The following XCR1 variants were observed in gnomAD, a reference collection of about 807,000 sequenced individuals.
XCR1 encodes the protein chemokine XC receptor 1.
For missense variants in XCR1, 356 were observed against 424.2 expected, an observed-to-expected ratio of 0.84 and a Z score of 1.41; for synonymous variants, 187 against 188.5, an observed-to-expected ratio of 0.99 and a Z score of 0.06.
chr3:46,026,577 C>T lies in XCR1; in HGVS notation c.-32+840G>A, dbSNP rs1423416141. 2.0e-5 allele frequency among the ~76,000 whole-genome samples: 3 copies of T among 150,834 alleles called. No homozygotes were observed. The South Asian group carries it at 6.3e-4, about 32-fold the overall frequency. ...AAGTATGGTTCCCAGATCCATTTTT[C>T]TTCTTCTTCTTTTTTTTTTTTTTGA... On this transcript the variant is annotated intron_variant, in intron 1 of 1. Coordinates refer to ENST00000309285, the MANE Select transcript of XCR1 (RefSeq NM_001024644.2).
intron 1 of XCR1, among the ~76,000 whole-genome samples, chr3:46,079,290 T>C (rs1698316122): frequency 6.6e-6 from 1 of 152,150 alleles, no homozygotes; most frequent in South Asian, 2.1e-4. Flanking sequence ...GGCCAAAATG[T>C]GGGTCTTTTG....
intron 1 of XCR1, among the ~76,000 whole-genome samples, chr3:46,025,348 G>A (rs2125894169): frequency 6.6e-6 from 1 of 152,226 alleles, no homozygotes; most frequent in African/African-American, 2.4e-5. Context: ...AGGCTGCAGT[G>A]AGCTATAATG....
At chr3:46,045,098 A>G (rs915220377) in intron 5 of XCR1, among the ~76,000 whole-genome samples, 1 of 152,206 alleles carries the variant, frequency 6.6e-6, no homozygotes, top group Non-Finnish European at 1.5e-5. Context: ...AAGCCTCAAA[A>G]ATATTGTCAA....
intron 1 of XCR1, chr3:46,024,098 C>G (rs1708236736): frequency 2.5e-6 from 2 of 793,002 alleles, no homozygotes; most frequent in African/African-American, 3.5e-5. Context: ...TTTACATCTC[C>G]AGAACTTCCC....
intron 5 of XCR1, among the ~76,000 whole-genome samples, chr3:46,043,690 C>G (rs567832698): frequency 1.2e-4 from 18 of 147,446 alleles, no homozygotes; most frequent in African/African-American, 4.0e-4. Flanking sequence ...TGAGACCAGC[C>G]TGGGCAACAT....
chr3:46,043,991 TG>T (rs1697581980), intron 5 of XCR1, among the ~76,000 whole-genome samples: 2 of 152,040 alleles, frequency 1.3e-5, no homozygotes, highest in East Asian at 3.9e-4. Flanking sequence ...TGGTTTTTTT[TG>T]TTTGTTTTGT....
intron 4 of XCR1, among the ~76,000 whole-genome samples, chr3:46,065,617 G>A (rs888629762): frequency 6.6e-6 from 1 of 152,144 alleles, no homozygotes; most frequent in South Asian, 2.1e-4. Flanking sequence ...CACTTACACG[G>A]CATCACCAAT....
At chr3:46,043,763 A>AC (rs1697577777) in intron 5 of XCR1, among the ~76,000 whole-genome samples, 2 of 126,632 alleles carry the variant, frequency 1.6e-5, no homozygotes, top group Admixed American at 8.0e-5. Flanking sequence ...CACACACACA[A>AC]GAATGCCTAC....
At chr3:46,023,296 A>G (rs974028220) in intron 1 of XCR1, 9 of 815,728 alleles carry the variant, frequency 1.1e-5, no homozygotes, top group South Asian at 3.2e-5. Flanking sequence ...GCTGCTGTCT[A>G]TGGAAGTAAT....
intron 5 of XCR1, among the ~76,000 whole-genome samples, chr3:46,040,760 C>T (rs1318546217): frequency 6.6e-6 from 1 of 152,066 alleles, no homozygotes; most frequent in Non-Finnish European, 1.5e-5. Context: ...CAGCTTCAGT[C>T]TAGGGCTTGA....
At chr3:46,023,853 G>A in intron 1 of XCR1, 1 of 1,525,936 alleles carries the variant, frequency 6.6e-7, no homozygotes, top group Non-Finnish European at 9.1e-7. Context: ...AATTCCTTGT[G>A]GCTGAGAATG....
intron 5 of XCR1, among the ~76,000 whole-genome samples, chr3:46,036,118 A>T (rs945723784): frequency 2.6e-5 from 4 of 152,160 alleles, no homozygotes; most frequent in Non-Finnish European, 4.4e-5. Flanking sequence ...CTTGTCCCCA[A>T]TATTGTTTGG....
chr3:46,078,537 G>T (rs1242627063), intron 1 of XCR1, among the ~76,000 whole-genome samples: 1 of 152,186 alleles, frequency 6.6e-6, no homozygotes, highest in Non-Finnish European at 1.5e-5. Flanking sequence ...AAAGAAAAAG[G>T]GTAGGGGGAA....
chr3:46,056,294 C>T (rs1300057971), intron 4 of XCR1, among the ~76,000 whole-genome samples: 4 of 152,072 alleles, frequency 2.6e-5, no homozygotes, highest in Non-Finnish European at 2.9e-5. Context: ...CCACCTGCCT[C>T]AGCCTCCCTA....
At position 46,066,433 on chromosome 3, in the gene XCR1, C is replaced by T. The variant is rs568699436; in HGVS notation, c.-183+466G>A. Among the ~76,000 whole-genome samples, 17 of 152,188 alleles carry T rather than the reference C, an allele frequency of 1.1e-4. No individual in the cohort carries two copies. In the South Asian group the frequency reaches 2.7e-3, roughly 24 times the overall value. ...CTAATTTTTATATTTTTAGTAGAGA[C>T]GGGGTTTCACCATGTTGGCCAGGAT... On this transcript the variant is annotated intron_variant, in intron 4 of 5. Coordinates refer to the XCR1 transcript ENST00000683768.
intron 1 of XCR1, among the ~76,000 whole-genome samples, chr3:46,081,805 G>A (rs1373660107): frequency 6.6e-6 from 1 of 152,036 alleles, no homozygotes; most frequent in Non-Finnish European, 1.5e-5. Context: ...CGTCATTCAG[G>A]TAGTGAGCAT....
intron 1 of XCR1, chr3:46,022,237 C>G (rs1229203627): frequency 1.2e-5 from 4 of 333,384 alleles, no homozygotes; most frequent in Non-Finnish European, 2.2e-5. Flanking sequence ...CCCAGGAGGG[C>G]GAGACTGCAG....
intron 4 of XCR1, among the ~76,000 whole-genome samples, chr3:46,066,352 C>G (rs1377012024): frequency 1.3e-5 from 2 of 152,218 alleles, no homozygotes; most frequent in African/African-American, 4.8e-5. Flanking sequence ...TCAAGCGATT[C>G]TCCTGCTTCA....
chr3:46,021,907 TA>T lies in XCR1; in HGVS notation c.40del (p.Tyr14ThrfsTer33), dbSNP rs1158688440. ...ACACGGCTGGCTCTGAAGGTCATAG[TA>T]AAAAAAGGTGGTGCTCTCTGGGTTG... ...SGNPESTTFFYYDLQSQPCEN... is the reference protein window; with the variant it reads ...SGNPESTTFFXYDLQSQPCEN... On this transcript the variant is annotated frameshift_variant, in exon 2 of 2. Transcript: ENST00000309285. LOFTEE classifies it low-confidence loss of function (END_TRUNC). The surrounding 1 kb of genome is among the most constrained non-coding windows in gnomAD (Gnocchi z 4.7). The T allele has an allele frequency of 9.9e-6, 16 of 1,613,242 alleles. No homozygotes were observed. The highest frequency in any genetic ancestry group is 1.4e-5 in the Non-Finnish European group (16 of 1,179,734).
Sources: allele counts gnomAD v4.1 joint callset (sites outside exome capture counted in the v4.1 genomes callset), GRCh38; gene constraint gnomAD v4.1.1; non-coding constraint Gnocchi (gnomAD v3.1); transcripts MANE v1.5; gene names NCBI Gene and HGNC (gene_info 2026-07-23, HGNC 2026-07-21).